The following AKNA variants were observed in gnomAD, a reference collection of about 807,000 sequenced individuals.
AKNA encodes AT-hook transcription factor, also known as microtubule organization protein AKNA.
Under a neutral mutation model 138.8 loss-of-function variants are expected in AKNA, and 67 were observed. The observed-to-expected ratio is 0.48, with a 90% CI of 0.40 to 0.59. AKNA has a LOEUF of 0.59. AKNA is among the 20% of genes least tolerant of loss of function. AKNA has a pLI of 0.00. For missense variants in AKNA, 1,813 were observed against 1,880.4 expected (o/e 0.96, Z 0.66); for synonymous variants, 737 against 754.4 (o/e 0.98, Z 0.38).
intron 2 of AKNA, among the ~76,000 whole-genome samples, chr9:114,378,190 C>T (rs1304692279): frequency 6.6e-6 from 1 of 152,212 alleles, no homozygotes; most frequent in Non-Finnish European, 1.5e-5. Context: ...CAACGCTCCT[C>T]CCACCATGGG....
chr9:114,346,538 A>G (rs555210733), intron 17 of AKNA, 131 bp downstream of exon 17: 1 of 667,842 alleles, frequency 1.5e-6, no homozygotes, highest in South Asian at 2.1e-5. Flanking sequence ...CAGCACTATA[A>G]TATCCTAAAA....
chr9:114,340,699 C>T (rs970442044), intron 21 of AKNA, among the ~76,000 whole-genome samples: 13 of 152,180 alleles, frequency 8.5e-5, no homozygotes, highest in Non-Finnish European at 1.6e-4. Context: ...TGGGACTCCA[C>T]GGTAGCTCTG....
chr9:114,342,166 A>T, intron 19 of AKNA, 41 bp from the exon 20 acceptor site: 1 of 1,427,926 alleles, frequency 7.0e-7, no homozygotes, highest in Non-Finnish European at 9.5e-7. Context: ...GATTACATCT[A>T]AATCATCAGA....
chr9:114,340,634 G>A (rs1830278639), intron 21 of AKNA, among the ~76,000 whole-genome samples: 1 of 152,164 alleles, frequency 6.6e-6, no homozygotes, highest in African/African-American at 2.4e-5. Flanking sequence ...ATGGGGAAGT[G>A]GAGGCTCTGA....
In AKNA at chr9:114,337,013, G is replaced by GGGGGGGGGGGGGGGGGGC; in HGVS notation, c.*40_*41insGCCCCCCCCCCCCCCCCC. 4 of 1,185,370 alleles carry GGGGGGGGGGGGGGGGGGC rather than the reference G, an allele frequency of 3.4e-6. No homozygotes were observed. Among genetic ancestry groups the GGGGGGGGGGGGGGGGGGC allele is most frequent in the Non-Finnish European group, 4.3e-6 (4 of 921,704 alleles). 73.4% of individuals were successfully genotyped at this position (1,185,370 alleles called of 1,614,324 possible). ...CCACTCCTGGCCTGGCAGGCCACCT[G>GGGGGGGGGGGGGGGGGGC]CCCACCCACCCACCCATCTGCCTCT... On this transcript the variant is annotated 3_prime_UTR_variant, in exon 22 of 22. Transcript: ENST00000374088.
chr9:114,397,812 T>C (rs1244457366), upstream of AKNA, among the ~76,000 whole-genome samples: 1 of 152,140 alleles, frequency 6.6e-6, no homozygotes, highest in East Asian at 1.9e-4. Context: ...GTTCCTACCA[T>C]TGTCAGGGCT....
At position 114,357,898 on chromosome 9, in the gene AKNA, C is replaced by A. The variant is rs750749228; in HGVS notation, c.2739+23G>T. 78 of 1,593,396 alleles carry A rather than the reference C, an allele frequency of 4.9e-5. No individual in the cohort carries two copies. The Middle Eastern group carries it at 5.7e-4, about 12-fold the overall frequency. On this transcript the variant is annotated intron_variant, in intron 12 of 21. Coordinates refer to ENST00000374088, the MANE Select transcript of AKNA (RefSeq NM_001317950.2). ...AGGAATGACCCTGAGGTTCTGGGCC[C>A]ATTCCCCCATGTGGAGACTTACCTC...
At position 114,346,610 on chromosome 9, in the gene AKNA, T is replaced by C. The variant is rs145775297; in HGVS notation, c.3514+59A>G. Reference sequence around the variant, plus strand: ...TACTGTTGCTGTGGTCCCTGACCACTGAGCCAACATGCTCAGACTGTGGCC... The same window carrying C: ...TACTGTTGCTGTGGTCCCTGACCACCGAGCCAACATGCTCAGACTGTGGCC... On this transcript the variant is annotated intron_variant, in intron 17 of 21. Transcript: ENST00000374088. 194 of 1,385,264 alleles carry C rather than the reference T, an allele frequency of 1.4e-4. No individual in the cohort carries two copies. The African/African-American group carries it at 2.4e-3, about 17-fold the overall frequency. The allele number at this position is 1,385,264 out of a possible 1,614,324, so 85.8% of individuals were successfully genotyped here. A position where few individuals can be genotyped will look rare whatever the true frequency, so the allele number is the denominator to read the frequency against.
Position 114,376,763 on chromosome 9 carries a change from C to T in AKNA, c.1044G>A (p.Lys348=). Residue 348 remains lysine, a synonymous_variant, in exon 3 of 22, where the codon AAG becomes AAA. Transcript: ENST00000374088. ...LAGRSSSNAP[K]YGRGQLNYPL... ...GGTAGTTCAACTGCCCCCGGCCATA[C>T]TTGGGGGCATTAGAAGAGGAGCGGC... 1 of 1,612,790 alleles carries T rather than the reference C, an allele frequency of 6.2e-7. No individual in the cohort carries two copies. Among genetic ancestry groups the T allele is most frequent in the South Asian group, 1.1e-5 (1 of 90,986 alleles).
intron 9 of AKNA, among the ~76,000 whole-genome samples, chr9:114,361,026 T>C (rs1370742151): frequency 6.6e-6 from 1 of 152,058 alleles, no homozygotes; most frequent in African/African-American, 2.4e-5. Flanking sequence ...CTCTCTTAAG[T>C]CCACACATGC....
upstream of AKNA, among the ~76,000 whole-genome samples, chr9:114,388,566 G>A (rs565376127): frequency 2.0e-5 from 3 of 152,336 alleles, 1 homozygote; most frequent in South Asian, 6.2e-4. Context: ...GGGGCAGCAT[G>A]GAGGTGTGAA....
chr9:114,358,819 C>T (rs1318802165), intron 11 of AKNA, among the ~76,000 whole-genome samples: 9 of 115,260 alleles, frequency 7.8e-5, no homozygotes, highest in African/African-American at 2.4e-4. Flanking sequence ...CATCACACAC[C>T]GGGGGCTGTT....
chr9:114,367,486 T>G, intron 6 of AKNA, 57 bp downstream of exon 6: 1 of 1,590,900 alleles, frequency 6.3e-7, no homozygotes, highest in Non-Finnish European at 8.5e-7. Context: ...CAGGCAGAGG[T>G]TCTGTGTTCT....
Position 114,358,030 on chromosome 9 carries a change from G to A in AKNA, c.2630C>T (p.Thr877Ile). Residue 877 changes from threonine to isoleucine, a missense_variant, in exon 12 of 22, where the codon ACC becomes ATC. Transcript: ENST00000374088. The stretch of plus-strand genomic sequence containing the variant: ...ACTTTGGTGGGATGCTGCGGACTTG[G>A]TGCCTGGAGGGTGGGGTGGCACGCC... Reference protein sequence around the residue: ...GPGVPPHPPGTKSAASHQSSM... With the variant: ...GPGVPPHPPGIKSAASHQSSM... 1 of 1,610,690 alleles carries A rather than the reference G, an allele frequency of 6.2e-7. No individual in the cohort carries two copies. The highest frequency in any genetic ancestry group is 8.5e-7 in the Non-Finnish European group (1 of 1,177,640).
At chr9:114,339,155 C>A (rs1038303929) in intron 21 of AKNA, among the ~76,000 whole-genome samples, 4 of 152,198 alleles carry the variant, frequency 2.6e-5, no homozygotes, top group African/African-American at 9.7e-5. Context: ...TACACCCCCA[C>A]CTTCTGTTAA....
At chr9:114,395,736 T>TAAA (rs11297740), upstream of AKNA, among the ~76,000 whole-genome samples, 1 of 108,250 alleles carries the variant, frequency 9.2e-6, no homozygotes, top group Non-Finnish European at 1.8e-5. Flanking sequence ...CAGCTGTCTT[T>TAAA]AAAAAAAAAA....
At chr9:114,378,520 C>T (rs1440295406) in intron 2 of AKNA, among the ~76,000 whole-genome samples, 1 of 152,102 alleles carries the variant, frequency 6.6e-6, no homozygotes, top group Non-Finnish European at 1.5e-5. Flanking sequence ...GTGCCGGTAC[C>T]TGACACTATT....
intron 13 of AKNA, 34 bp downstream of exon 13, chr9:114,356,829 G>T: frequency 6.7e-7 from 1 of 1,502,082 alleles, no homozygotes; most frequent in Non-Finnish European, 8.9e-7. Context: ...CAGGAATGTG[G>T]CACTGACGGG....
rs759345793 is a variant in AKNA, at chr9:114,342,032, T to C, written c.3851A>G (p.Asp1284Gly). 3.1e-6 allele frequency: 5 copies of C among 1,613,916 alleles called. No individual in the cohort carries two copies. Among genetic ancestry groups the C allele is most frequent in the Non-Finnish European group, 4.2e-6 (5 of 1,179,938 alleles). ...ACCAGAGGTGGCTGAGCCTGGACCA[T>C]CTGCCTCTGGGGGAGACCCAACTTG... ...CGQVGSPPEA[D>G]GPGSATSGAE... The change falls in exon 20 of 22, where the codon GAT becomes GGT. Residue 1284 changes from aspartate to glycine, a missense_variant. By Grantham distance (94) the Asp-to-Gly change is moderately conservative. Transcript: ENST00000374088.
Sources: allele counts gnomAD v4.1 joint callset (sites outside exome capture counted in the v4.1 genomes callset), GRCh38; gene constraint gnomAD v4.1.1; transcripts MANE v1.5; gene names NCBI Gene and HGNC (gene_info 2026-07-23, HGNC 2026-07-21).